The following AFF3 variants were observed in gnomAD, a reference collection of about 807,000 sequenced individuals.
AFF3 encodes AF4/FMR2 family member 3.
AFF3 carries 32 observed loss-of-function variants against 129.7 expected under a neutral mutation model. The ratio of observed to expected loss-of-function variants is 0.25; its 90% CI spans 0.19 to 0.33. The LOEUF (loss-of-function observed/expected upper bound fraction) is 0.33, where lower values mean the gene tolerates loss of function less well. Ranked by LOEUF, AFF3 falls within the 10% of genes least tolerant of loss-of-function variation. AFF3 has a pLI of 1.00. For missense variants in AFF3, 1,373 were observed against 1,592.0 expected (o/e 0.86, Z 2.34); for synonymous variants, 644 against 635.4 (o/e 1.01, Z -0.20).
At chr2:100,118,114 C>T (rs1691798984) in intron 2 of AFF3, among the ~76,000 whole-genome samples, 1 of 152,208 alleles carries the variant, frequency 6.6e-6, no homozygotes, top group Non-Finnish European at 1.5e-5. Context: ...TTTTCTGGAG[C>T]AGGGTGCTGT....
At chr2:99,733,352 C>G (rs1390741228) in intron 10 of AFF3, among the ~76,000 whole-genome samples, 2 of 148,258 alleles carry the variant, frequency 1.3e-5, no homozygotes, top group Admixed American at 1.4e-4. Context: ...TGCACTCCAG[C>G]CTGGGCGACA....
chr2:100,050,454 CTT>C (rs1016083611), intron 4 of AFF3, among the ~76,000 whole-genome samples: 3 of 152,000 alleles, frequency 2.0e-5, no homozygotes, highest in African/African-American at 7.2e-5. Flanking sequence ...ATCGAATATT[CTT>C]GTTTTTAGAT....
chr2:99,937,791 T>A (rs966311181), intron 7 of AFF3, among the ~76,000 whole-genome samples: 1 of 152,170 alleles, frequency 6.6e-6, no homozygotes, highest in African/African-American at 2.4e-5. Context: ...TGGTCAAACA[T>A]GAGAGTGTTA....
Position 99,594,001 on chromosome 2 carries a change from C to A in AFF3, c.1660G>T (p.Val554Leu). 1.9e-6 allele frequency: 3 copies of A among 1,547,744 alleles called. No individual in the cohort carries two copies. The highest frequency in any genetic ancestry group is 2.6e-6 in the Non-Finnish European group (3 of 1,148,086). The change falls in exon 15 of 25, where the codon GTG becomes TTG. Residue 554 changes from valine to leucine, a missense_variant. This residue lies in a region of AFF3 where 413 missense variants were observed against 424.4 expected (regional missense o/e 0.97). Coordinates refer to ENST00000672756, the MANE Select transcript of AFF3 (RefSeq NM_001386135.1). The stretch of plus-strand genomic sequence containing the variant: ...GCGGCTGCGCTCACCGCCACGGCCA[C>A]GGCCGCGGGCGGGGACTTCTGCTTC... ...GVKQKSPPAA[V>L]AVAVSAAAPP...
chr2:100,105,189 A>T, intron 3 of AFF3: 1 of 529,014 alleles, frequency 1.9e-6, no homozygotes, highest in East Asian at 1.2e-4. Context: ...CCCGGGCTGC[A>T]CGCACTTCTC....
Position 100,011,369 on chromosome 2 carries a change from G to A in AFF3, c.54-2437C>T. ...CACACATGCTTGCTGCCCTCAGTCA[G>A]GTCAACCCAACCAGACACACAAGAC... On this transcript the variant is annotated intron_variant, in intron 4 of 24. Transcript: ENST00000672756. 2 of 739,208 alleles carry A rather than the reference G, an allele frequency of 2.7e-6. 1 individual carries two copies. The highest frequency in any genetic ancestry group is 3.0e-5 in the South Asian group (2 of 67,792). 45.8% of individuals were successfully genotyped at this position (739,208 alleles called of 1,614,324 possible).
intron 16 of AFF3, among the ~76,000 whole-genome samples, chr2:99,583,936 C>T (rs1162676574): frequency 6.6e-6 from 1 of 151,774 alleles, no homozygotes; most frequent in African/African-American, 2.4e-5. Flanking sequence ...CTTCTAATCT[C>T]AGGTGATCCA....
chr2:100,026,023 T>C (rs1684009338), intron 4 of AFF3, among the ~76,000 whole-genome samples: 1 of 152,038 alleles, frequency 6.6e-6, no homozygotes. Context: ...CAAAAGCAAA[T>C]GCAATAAAAA....
chr2:99,690,017 G>A (rs1287125942), intron 11 of AFF3, among the ~76,000 whole-genome samples: 3 of 148,888 alleles, frequency 2.0e-5, no homozygotes, highest in Admixed American at 6.7e-5. Flanking sequence ...AACCTGGGAG[G>A]TGGAGGTTGC....
chr2:99,823,608 T>A, intron 8 of AFF3, among the ~76,000 whole-genome samples: 1 of 152,166 alleles, frequency 6.6e-6, no homozygotes, highest in Non-Finnish European at 1.5e-5. Context: ...GTTTCAGAAA[T>A]GTAATTACTG....
At chr2:99,744,748 C>G (rs1435187133) in intron 9 of AFF3, among the ~76,000 whole-genome samples, 3 of 152,068 alleles carry the variant, frequency 2.0e-5, no homozygotes, top group African/African-American at 7.2e-5. Context: ...AATATTGCGT[C>G]ACATGGATAT....
At chr2:99,943,860 T>C (rs1558996509) in intron 7 of AFF3, among the ~76,000 whole-genome samples, 1 of 152,210 alleles carries the variant, frequency 6.6e-6, no homozygotes, top group Admixed American at 6.5e-5. Flanking sequence ...CAGATGAATA[T>C]TTCAGTTAAA....
At chr2:99,551,728 A>G (rs763139401) in intron 24 of AFF3, 133 bp from the exon 25 acceptor site, 32 of 1,160,368 alleles carry the variant, frequency 2.8e-5, no homozygotes, top group Non-Finnish European at 3.6e-5. Flanking sequence ...ATGTAACTTT[A>G]GCATTCCTTT....
chr2:99,858,106 C>G (rs1690658697), intron 7 of AFF3, among the ~76,000 whole-genome samples: 1 of 152,158 alleles, frequency 6.6e-6, no homozygotes. Flanking sequence ...CCACCATCAT[C>G]ATGAAAAGGA....
At chr2:99,908,601 C>G (rs1361938364) in intron 7 of AFF3, among the ~76,000 whole-genome samples, 2 of 152,056 alleles carry the variant, frequency 1.3e-5, no homozygotes, top group Non-Finnish European at 2.9e-5. Context: ...TATCCAGAAC[C>G]TAAAATGAAC....
intron 7 of AFF3, among the ~76,000 whole-genome samples, chr2:99,995,379 C>CT (rs202207607): frequency 0.051 from 7,544 of 146,790 alleles, 550 homozygotes; most frequent in African/African-American, 0.17. Flanking sequence ...TCATCTATTC[C>CT]TTTTTTTTTT....
intron 4 of AFF3, among the ~76,000 whole-genome samples, chr2:100,054,547 T>C (rs1686613259): frequency 6.6e-6 from 1 of 152,170 alleles, no homozygotes; most frequent in South Asian, 2.1e-4. Flanking sequence ...TTCCTAGGTC[T>C]TAAGTCTGCC....
chr2:99,773,612 A>C (rs1683666569), intron 8 of AFF3, among the ~76,000 whole-genome samples: 1 of 152,084 alleles, frequency 6.6e-6, no homozygotes, highest in African/African-American at 2.4e-5. Flanking sequence ...AAAGAGACAA[A>C]AGTCACTCAG....
intron 11 of AFF3, among the ~76,000 whole-genome samples, chr2:99,711,697 T>C (rs1411760512): frequency 6.6e-6 from 1 of 152,244 alleles, no homozygotes; most frequent in South Asian, 2.1e-4. Context: ...CTTTGTAGTA[T>C]CCTGCATTCC....
Sources: allele counts gnomAD v4.1 joint callset (sites outside exome capture counted in the v4.1 genomes callset), GRCh38; gene constraint gnomAD v4.1.1; regional missense constraint gnomAD v4.1.1; transcripts MANE v1.5; gene names NCBI Gene and HGNC (gene_info 2026-07-23, HGNC 2026-07-21).